Variants in THSD4 observed in about 807,000 individuals in gnomAD.
THSD4 encodes the protein thrombospondin type-1 domain-containing protein 4.
In THSD4, 69 loss-of-function variants were observed where a neutral mutation model predicts 119.0. The observed-to-expected ratio is 0.58, with a 90% confidence interval of 0.48 to 0.71. The LOEUF is 0.71. Ranked by LOEUF, THSD4 falls within the 30% of genes least tolerant of loss-of-function variation. THSD4 has a pLI of 0.00. For synonymous variants in THSD4, 524 were observed against 540.4 expected, an observed-to-expected ratio of 0.97 and a Z score of 0.42; for missense variants, 1,393 against 1,391.1, an observed-to-expected ratio of 1.00 and a Z score of -0.02.
chr15:71,235,576 C>CCT (rs202026773), intron 4 of THSD4, among the ~76,000 whole-genome samples: 31,315 of 128,506 alleles, frequency 0.24, 5,079 homozygotes, highest in Non-Finnish European at 0.32. Flanking sequence ...AGGAATGCCA[C>CCT]CTCTCTCTTT....
At chr15:71,345,078 A>G (rs754175972) in intron 6 of THSD4, among the ~76,000 whole-genome samples, 3 of 152,024 alleles carry the variant, frequency 2.0e-5, no homozygotes, top group Non-Finnish European at 4.4e-5. Flanking sequence ...AGAGTTCTTC[A>G]TCTTTATCCT....
intron 7 of THSD4, among the ~76,000 whole-genome samples, chr15:71,479,993 A>G (rs1034507109): frequency 1.3e-5 from 2 of 152,190 alleles, no homozygotes; most frequent in Non-Finnish European, 2.9e-5. Context: ...ATAAAATAAG[A>G]GATTCATGCT....
chr15:71,286,927 T>C (rs1362368756), intron 6 of THSD4, among the ~76,000 whole-genome samples: 1 of 152,224 alleles, frequency 6.6e-6, no homozygotes, highest in African/African-American at 2.4e-5. Flanking sequence ...TTAAAAAATA[T>C]GCTTGTTATT....
intron 7 of THSD4, among the ~76,000 whole-genome samples, chr15:71,421,626 T>C (rs927382838): frequency 6.6e-5 from 10 of 152,212 alleles, no homozygotes; most frequent in African/African-American, 2.2e-4. Context: ...GAGAGTTTGA[T>C]TATTAAATGT....
chr15:71,153,599 T>A (rs1816877995), intron 2 of THSD4, among the ~76,000 whole-genome samples: 1 of 152,092 alleles, frequency 6.6e-6, no homozygotes, highest in Non-Finnish European at 1.5e-5. Flanking sequence ...GGGGTGGAAT[T>A]TTGGATTCTT....
At chr15:71,558,354 T>C (rs1168928053) in intron 7 of THSD4, among the ~76,000 whole-genome samples, 1 of 152,198 alleles carries the variant, frequency 6.6e-6, no homozygotes. Context: ...GTGTGTATGT[T>C]CAGCTCATTT....
chr15:71,136,764 G>A (rs1333853112), intron 1 of THSD4, among the ~76,000 whole-genome samples: 1 of 152,090 alleles, frequency 6.6e-6, no homozygotes, highest in African/African-American at 2.4e-5. Flanking sequence ...TGAGGCATGG[G>A]TTCCTCCAGG....
At chr15:71,164,913 CAGGCTTTCCTTTAGCT>C (rs902675880) in intron 3 of THSD4, 1 of 1,563,088 alleles carries the variant, frequency 6.4e-7, no homozygotes. Context: ...TTTGCTGCAT[CAGGCTTTCCTTTAGCT>C]CGATATGCAG....
intron 7 of THSD4, among the ~76,000 whole-genome samples, chr15:71,474,969 C>T (rs550364919): frequency 7.9e-5 from 12 of 152,194 alleles, no homozygotes; most frequent in Non-Finnish European, 1.8e-4. Flanking sequence ...CACCTGGGAA[C>T]TTGTTAGGAA....
chr15:71,100,335 A>T (rs1032783595), intron 1 of THSD4, among the ~76,000 whole-genome samples: 2 of 152,152 alleles, frequency 1.3e-5, no homozygotes, highest in African/African-American at 2.4e-5. Flanking sequence ...CCTGGCTTTG[A>T]TGAAGTAAGT....
intron 4 of THSD4, among the ~76,000 whole-genome samples, chr15:71,229,612 T>C (rs893740339): frequency 8.5e-5 from 13 of 152,204 alleles, no homozygotes; most frequent in Admixed American, 3.3e-4. Flanking sequence ...TCCATTTTTT[T>C]CACAATATTT....
chr15:71,547,428 A>G (rs753901668), intron 7 of THSD4: 54 of 1,550,462 alleles, frequency 3.5e-5, no homozygotes, highest in Non-Finnish European at 4.7e-5. Flanking sequence ...CAGCTACCTG[A>G]TATTAACATT....
intron 6 of THSD4, among the ~76,000 whole-genome samples, chr15:71,324,191 T>C (rs2045311455): frequency 7.0e-6 from 1 of 142,828 alleles, no homozygotes; most frequent in Admixed American, 7.0e-5. Context: ...TTTTGTGTTC[T>C]TTTTTTTTTT....
rs375975653 is a variant in THSD4 at position 71,745,107 on chromosome 15, A to G, written c.1908A>G (p.Gly636=). 1.2e-6 allele frequency: 2 copies of G among 1,610,188 alleles called. No individual in the cohort carries two copies. The highest frequency in any genetic ancestry group is 1.7e-5 in the Admixed American group (1 of 59,922). ...TTECSTTCGK[G]SQYPIFRCVH... is the part of the protein sequence containing the mutation. Reference sequence around the variant, plus strand: ...TCAGACATTCTCCTGTTGTTGCAGGATCGCAGTACCCTATTTTCCGCTGTG... The same window carrying G: ...TCAGACATTCTCCTGTTGTTGCAGGGTCGCAGTACCCTATTTTCCGCTGTG... The change falls in exon 12 of 18, where the codon GGA becomes GGG. Residue 636 remains glycine (G), a splice_region_variant and synonymous_variant. Coordinates refer to ENST00000261862, the MANE Select transcript of THSD4 (RefSeq NM_024817.3).
At position 71,197,963 on chromosome 15, in the gene THSD4, T is replaced by G. The variant is rs910884094; in HGVS notation, c.100-17072T>G. ...GAATATACATGTGTGGCTTAGAAGC[T>G]GGAGAATGCAGTCAGGCATGGTGGC... On this transcript the variant is annotated intron_variant, in intron 3 of 17. Coordinates refer to ENST00000261862, the MANE Select transcript of THSD4 (RefSeq NM_024817.3). Among the ~76,000 whole-genome samples, 3 of 152,094 alleles carry G rather than the reference T, an allele frequency of 2.0e-5. No individual in the cohort carries two copies. In the East Asian group the frequency reaches 5.8e-4, roughly 29 times the overall value.
At chr15:71,752,989 C>G (rs886825979) in intron 14 of THSD4, among the ~76,000 whole-genome samples, 1 of 152,198 alleles carries the variant, frequency 6.6e-6, no homozygotes, top group South Asian at 2.1e-4. Flanking sequence ...ACATGCCAGT[C>G]ATGAACGAGA....
intron 12 of THSD4, among the ~76,000 whole-genome samples, chr15:71,746,439 G>C (rs535041786): frequency 6.6e-6 from 1 of 152,170 alleles, no homozygotes; most frequent in South Asian, 2.1e-4. Flanking sequence ...CCATTGCCCA[G>C]GCTGGAGTGC....
At chr15:71,320,540 C>A (rs551662038) in intron 6 of THSD4, among the ~76,000 whole-genome samples, 1 of 152,274 alleles carries the variant, frequency 6.6e-6, no homozygotes, top group South Asian at 2.1e-4. Context: ...TTGGCCTTTT[C>A]ATACAACATA....
intron 6 of THSD4, among the ~76,000 whole-genome samples, chr15:71,293,700 C>T (rs1232250796): frequency 6.6e-6 from 1 of 152,194 alleles, no homozygotes; most frequent in Non-Finnish European, 1.5e-5. Context: ...TCCAAGTTTG[C>T]TGAAATCTTT....
Sources: allele counts gnomAD v4.1 joint callset (sites outside exome capture counted in the v4.1 genomes callset), GRCh38; gene constraint gnomAD v4.1.1; transcripts MANE v1.5; gene names NCBI Gene and HGNC (gene_info 2026-07-23, HGNC 2026-07-21).